Variants in HECW2 observed in about 807,000 individuals in gnomAD.
HECW2 encodes the protein HECT, C2 and WW domain containing E3 ubiquitin protein ligase 2.
HECW2 carries 61 observed loss-of-function variants against 175.2 expected under a neutral mutation model. The observed-to-expected ratio is 0.35, with a 90% CI of 0.28 to 0.43. HECW2 has a LOEUF of 0.43. HECW2 is among the 20% of genes least tolerant of loss of function. HECW2 has a pLI of 1.00. For synonymous variants in HECW2, 671 were observed against 731.0 expected (o/e 0.92, Z 1.32); for missense variants, 1,524 against 2,000.5 (o/e 0.76, Z 4.54).
chr2:196,361,880 T>C (rs1355324885), intron 2 of HECW2: 22 of 985,166 alleles, frequency 2.2e-5, no homozygotes, highest in Non-Finnish European at 2.7e-5. Context: ...AGAAGAAACA[T>C]GGCATTCTTC....
At chr2:196,478,584 C>T (rs1016331621) in intron 1 of HECW2, among the ~76,000 whole-genome samples, 1 of 151,960 alleles carries the variant, frequency 6.6e-6, no homozygotes, top group Admixed American at 6.6e-5. Context: ...ACTTCACTCT[C>T]AACAGTTACT....
chr2:196,426,216 C>A (rs1483850018), intron 2 of HECW2, among the ~76,000 whole-genome samples: 1 of 152,144 alleles, frequency 6.6e-6, no homozygotes, highest in East Asian at 1.9e-4. Context: ...GTACACACAA[C>A]TTTTATATGC....
intron 1 of HECW2, among the ~76,000 whole-genome samples, chr2:196,437,394 C>T (rs1695908976): frequency 1.3e-5 from 2 of 151,794 alleles, no homozygotes; most frequent in South Asian, 2.1e-4. Flanking sequence ...GTCAGATCAC[C>T]TGAGGTCAGG....
At chr2:196,441,454 T>C (rs1396273938) in intron 1 of HECW2, among the ~76,000 whole-genome samples, 1 of 152,118 alleles carries the variant, frequency 6.6e-6, no homozygotes, top group African/African-American at 2.4e-5. Context: ...TATTTTTTAC[T>C]ATCTAAATGA....
At chr2:196,350,652 G>C (rs1386158241) in intron 2 of HECW2, among the ~76,000 whole-genome samples, 3 of 148,904 alleles carry the variant, frequency 2.0e-5, no homozygotes, top group Non-Finnish European at 4.4e-5. Context: ...GGTATTTATT[G>C]ACTGACTACT....
chr2:196,490,084 T>C (rs56987197), intron 1 of HECW2, among the ~76,000 whole-genome samples: 2,879 of 152,288 alleles, frequency 0.019, 92 homozygotes, highest in African/African-American at 0.064. Flanking sequence ...TCAGCCACTG[T>C]GGGAGATGGC....
At chr2:196,390,180 A>G (rs959246056) in intron 2 of HECW2, among the ~76,000 whole-genome samples, 1 of 152,122 alleles carries the variant, frequency 6.6e-6, no homozygotes, top group African/African-American at 2.4e-5. Context: ...TTTATTCATG[A>G]ATACCTGAGG....
At position 196,319,753 on chromosome 2, in the gene HECW2, A is replaced by G. The variant is rs1463508443; in HGVS notation, c.1137T>C (p.Asp379=). 1.2e-6 allele frequency: 2 copies of G among 1,614,166 alleles called. No individual in the cohort carries two copies. Among genetic ancestry groups the G allele is most frequent in the Non-Finnish European group, 1.7e-6 (2 of 1,180,020 alleles). ...TCCTGAATGAATGCTTGGGGGTTCC[A>G]TCGGCAGCACTGTCCTCAGAAACTG... ...NGPVSEDSAA[D]GTPKHSFRTS... is the part of the protein sequence containing the mutation. Residue 379 remains aspartate, a synonymous_variant, in exon 9 of 29, where the codon GAT becomes GAC. Coordinates refer to ENST00000644978, the MANE Select transcript of HECW2 (RefSeq NM_001348768.2).
chr2:196,209,974 A>G (rs921602404), intron 28 of HECW2, among the ~76,000 whole-genome samples: 8 of 152,256 alleles, frequency 5.3e-5, no homozygotes, highest in East Asian at 3.9e-4. Flanking sequence ...CATGTTAGCC[A>G]GGATGGTCTC....
intron 1 of HECW2, among the ~76,000 whole-genome samples, chr2:196,539,282 G>A (rs1689126482): frequency 6.6e-6 from 1 of 152,174 alleles, no homozygotes; most frequent in Admixed American, 6.5e-5. Flanking sequence ...AAATGTTAAG[G>A]CTTACATGTC....
chr2:196,482,549 T>C (rs1047010359), intron 1 of HECW2, among the ~76,000 whole-genome samples: 1 of 152,112 alleles, frequency 6.6e-6, no homozygotes, highest in African/African-American at 2.4e-5. Flanking sequence ...TAGCAGACAT[T>C]GACCCTCCTG....
At chr2:196,448,315 C>T (rs186376565) in intron 1 of HECW2, among the ~76,000 whole-genome samples, 70 of 152,278 alleles carry the variant, frequency 4.6e-4, no homozygotes, top group African/African-American at 1.6e-3. Context: ...ATCCCTCACT[C>T]CCATGTTATC....
intron 1 of HECW2, among the ~76,000 whole-genome samples, chr2:196,541,625 A>G (rs1689217098): frequency 6.6e-6 from 1 of 152,182 alleles, no homozygotes; most frequent in South Asian, 2.1e-4. Context: ...CCTCAGTTTT[A>G]TATCAAAAGA....
At chr2:196,417,171 G>C (rs1695277268) in intron 2 of HECW2, among the ~76,000 whole-genome samples, 1 of 152,082 alleles carries the variant, frequency 6.6e-6, no homozygotes, top group Admixed American at 6.5e-5. Flanking sequence ...AACCTTTATG[G>C]CTCTATATTT....
chr2:196,585,553 G>A (rs1312136195), intron 1 of HECW2, among the ~76,000 whole-genome samples: 1 of 152,188 alleles, frequency 6.6e-6, no homozygotes, highest in Non-Finnish European at 1.5e-5. Flanking sequence ...TTCCCTAGGG[G>A]CTCCTTTCCC....
chr2:196,501,917 C>T (rs1687590237), intron 1 of HECW2, among the ~76,000 whole-genome samples: 1 of 152,000 alleles, frequency 6.6e-6, no homozygotes. Flanking sequence ...CATTTATTCC[C>T]AAAAAGGAAA....
chr2:196,392,578 T>C (rs1694546131), intron 2 of HECW2, among the ~76,000 whole-genome samples: 1 of 152,180 alleles, frequency 6.6e-6, no homozygotes, highest in Non-Finnish European at 1.5e-5. Flanking sequence ...ATAAATGTTA[T>C]AAGTAGGAGT....
chr2:196,505,752 A>G (rs1403346311), intron 1 of HECW2, among the ~76,000 whole-genome samples: 1 of 152,202 alleles, frequency 6.6e-6, no homozygotes, highest in Non-Finnish European at 1.5e-5. Flanking sequence ...TATACTAATA[A>G]ATTTGGATCT....
At chr2:196,452,944 C>T (rs1441397539) in intron 1 of HECW2, among the ~76,000 whole-genome samples, 1 of 152,082 alleles carries the variant, frequency 6.6e-6, no homozygotes, top group Non-Finnish European at 1.5e-5. Flanking sequence ...AGACTAAACC[C>T]CATCTGTAAG....
Sources: gnomAD v4.1 joint callset for allele counts (sites outside exome capture counted in the v4.1 genomes callset) on GRCh38, gnomAD v4.1.1 for gene constraint, MANE v1.5 for transcripts, NCBI Gene and HGNC (gene_info 2026-07-23, HGNC 2026-07-21) for gene names.